Variants in ANK3 observed in about 807,000 individuals in gnomAD.
ANK3 encodes the protein ankyrin-3.
Under a neutral mutation model 370.9 loss-of-function variants are expected in ANK3, and 57 were observed. The ratio of observed to expected loss-of-function variants is 0.15; its 90% CI spans 0.12 to 0.19. ANK3 has a LOEUF of 0.19. ANK3 is among the 10% of genes least tolerant of loss of function. The pLI is 1.00. For missense variants in ANK3, 4,439 were observed against 5,302.1 expected, an observed-to-expected ratio of 0.84 and a Z score of 5.06; for synonymous variants, 1,929 against 1,946.3, an observed-to-expected ratio of 0.99 and a Z score of 0.23.
chr10:60,431,028 G>A (rs563715188), intron 2 of ANK3, among the ~76,000 whole-genome samples: 2 of 152,278 alleles, frequency 1.3e-5, no homozygotes, highest in South Asian at 2.1e-4. Context: ...ATTTTTCCAC[G>A]GACCAGGAGA....
At position 60,599,130 on chromosome 10, in the gene ANK3, T is replaced by C. The variant is rs569985568; in HGVS notation, c.96+16056A>G. ...ATTTTCCATAGAAACAAGGTCTCACTATGTCACCCAGGCAGGTCTCAAGCT... is the reference window on the plus strand; with the variant it reads ...ATTTTCCATAGAAACAAGGTCTCACCATGTCACCCAGGCAGGTCTCAAGCT... On this transcript the variant is annotated intron_variant, in intron 2 of 43. Transcript: ENST00000373827. Among the ~76,000 whole-genome samples, 46 of 152,142 alleles carry C rather than the reference T, an allele frequency of 3.0e-4. No individual in the cohort carries two copies. In the South Asian group the frequency reaches 9.1e-3, roughly 30 times the overall value.
chr10:60,279,450 A>AC, intron 2 of ANK3, 88 bp downstream of exon 2: 1 of 1,053,954 alleles, frequency 9.5e-7, no homozygotes, highest in Non-Finnish European at 1.4e-6. Context: ...ATGGAAAAAA[A>AC]CCCCACAAAT....
chr10:60,288,988 T>C (rs1423157651), intron 1 of ANK3, among the ~76,000 whole-genome samples: 1 of 151,766 alleles, frequency 6.6e-6, no homozygotes, highest in African/African-American at 2.4e-5. Flanking sequence ...TCAATGCTGC[T>C]CAAACTGATC....
rs187062649 is a variant in ANK3, at chr10:60,580,836, G to C, written c.96+34350C>G. Among the ~76,000 whole-genome samples the C allele has an allele frequency of 2.8e-4, 42 of 152,282 alleles. No individual in the cohort carries two copies. In the East Asian group the frequency reaches 7.5e-3, roughly 27 times the overall value. The stretch of plus-strand genomic sequence containing the variant: ...GCCCAGCTGGCCAGGCATTTTTCAG[G>C]CTTGAAGGGTGGAAAAAATTATGAA... On this transcript the variant is annotated intron_variant, in intron 2 of 43. Transcript: ENST00000373827.
At chr10:60,289,628 G>A (rs1373950287) in intron 1 of ANK3, among the ~76,000 whole-genome samples, 1 of 152,010 alleles carries the variant, frequency 6.6e-6, no homozygotes, top group Non-Finnish European at 1.5e-5. Context: ...CAAACTCCTA[G>A]GCTCAAGTGA....
intron 2 of ANK3, chr10:60,572,816 G>A: frequency 8.5e-7 from 1 of 1,170,712 alleles, no homozygotes. Flanking sequence ...TTAACTAATC[G>A]TTACCCTGAG....
At chr10:60,653,398 T>G (rs116063692) in intron 1 of ANK3, among the ~76,000 whole-genome samples, 123 of 152,292 alleles carry the variant, frequency 8.1e-4, no homozygotes, top group African/African-American at 2.8e-3. Flanking sequence ...CCAGTAGTAT[T>G]TTTTTAAAAG....
intron 32 of ANK3, chr10:60,083,879 G>T: frequency 3.8e-6 from 1 of 261,944 alleles, no homozygotes; most frequent in Non-Finnish European, 7.0e-6. Flanking sequence ...AAATATTTAA[G>T]AATGTGCCTG....
intron 2 of ANK3, among the ~76,000 whole-genome samples, chr10:60,559,711 A>T (rs2077291525): frequency 6.6e-6 from 1 of 152,190 alleles, no homozygotes; most frequent in Non-Finnish European, 1.5e-5. Flanking sequence ...CAAGCCCATG[A>T]TTAAAAAATG....
intron 2 of ANK3, among the ~76,000 whole-genome samples, chr10:60,510,165 A>T (rs1036313821): frequency 6.6e-5 from 10 of 152,122 alleles, no homozygotes; most frequent in African/African-American, 2.4e-4. Flanking sequence ...AAATATTTGC[A>T]ATCATTAAGG....
chr10:60,120,403 G>A (rs572588337), intron 25 of ANK3, among the ~76,000 whole-genome samples: 1 of 152,022 alleles, frequency 6.6e-6, no homozygotes, highest in African/African-American at 2.4e-5. Flanking sequence ...ACATTGAACT[G>A]TGCAAAAATT....
intron 8 of ANK3, among the ~76,000 whole-genome samples, chr10:60,227,507 C>A (rs1186084381): frequency 5.3e-5 from 8 of 151,954 alleles, no homozygotes; most frequent in Admixed American, 5.2e-4. Context: ...TTATTTTATG[C>A]CCCATTCTCT....
intron 1 of ANK3, among the ~76,000 whole-genome samples, chr10:60,672,752 A>G (rs2079077792): frequency 1.3e-5 from 2 of 152,222 alleles, no homozygotes; most frequent in African/African-American, 4.8e-5. Context: ...GTTGATCAGA[A>G]GCATAGGTGA....
At chr10:60,226,550 CTATAGTATATATACATAGTA>C (rs2097160318) in intron 8 of ANK3, among the ~76,000 whole-genome samples, 3 of 10,360 alleles carry the variant, frequency 2.9e-4, no homozygotes, top group Admixed American at 1.1e-3. Context: ...AGTATATATA[CTATAGTATATATACATAGTA>C]TATGTATATA....
At chr10:60,265,114 T>C (rs977856230) in intron 5 of ANK3, among the ~76,000 whole-genome samples, 9 of 152,288 alleles carry the variant, frequency 5.9e-5, no homozygotes, top group African/African-American at 1.7e-4. Context: ...GTGAGAACAT[T>C]TGAACTTTAT....
rs545087672 is a variant in ANK3, at chr10:60,483,277, T to A, written c.96+131909A>T. 1.8e-4 allele frequency among the ~76,000 whole-genome samples: 28 copies of A among 152,324 alleles called. 1 individual carries two copies. The South Asian group carries it at 5.8e-3, about 32-fold the overall frequency. ...CAGAAGCATGAAATACCATGATTCATACTAAGCAAAGAGACTTCTATCTGT... is the reference window on the plus strand; with the variant it reads ...CAGAAGCATGAAATACCATGATTCAAACTAAGCAAAGAGACTTCTATCTGT... On this transcript the variant is annotated intron_variant, in intron 2 of 43. Coordinates refer to the ANK3 transcript ENST00000373827.
chr10:60,681,263 G>T (rs2133391033), intron 1 of ANK3, among the ~76,000 whole-genome samples: 1 of 152,208 alleles, frequency 6.6e-6, no homozygotes, highest in South Asian at 2.1e-4. Context: ...TTATCATGTG[G>T]CAAAGTCCTT....
chr10:60,204,638 A>G (rs1259451765), intron 11 of ANK3, among the ~76,000 whole-genome samples: 1 of 152,186 alleles, frequency 6.6e-6, no homozygotes, highest in African/African-American at 2.4e-5. Flanking sequence ...ATAGTTAAGC[A>G]TCAGGCATTC....
At chr10:60,665,953 C>T (rs1369643519) in intron 1 of ANK3, among the ~76,000 whole-genome samples, 5 of 152,140 alleles carry the variant, frequency 3.3e-5, no homozygotes, top group African/African-American at 9.7e-5. Context: ...CATGTATGTG[C>T]TATTGGTCGA....
Sources: gnomAD v4.1 joint callset for allele counts (sites outside exome capture counted in the v4.1 genomes callset) on GRCh38, gnomAD v4.1.1 for gene constraint, MANE v1.5 for transcripts, NCBI Gene and HGNC (gene_info 2026-07-23, HGNC 2026-07-21) for gene names.